The following SUGP1 variants were observed in gnomAD, a reference collection of about 807,000 sequenced individuals.
The protein encoded by SUGP1 is SURP and G-patch domain containing 1, also known as SURP and G-patch domain-containing protein 1.
A neutral mutation model predicts 76.5 loss-of-function variants in SUGP1; 34 were observed. The observed-to-expected ratio is 0.44, with a 90% CI of 0.34 to 0.59. The LOEUF (loss-of-function observed/expected upper bound fraction) is 0.59, where lower values mean the gene tolerates loss of function less well. Among genes scored for constraint, SUGP1 ranks in the 20% least tolerant of loss-of-function variants. The pLI, the probability that SUGP1 is intolerant of heterozygous loss-of-function variation, is 0.01. For missense variants in SUGP1, 752 were observed against 851.7 expected (o/e 0.88, Z 1.46); for synonymous variants, 326 against 326.2 (o/e 1.00, Z 0.01).
Position 19,306,049 on chromosome 19 carries a change from G to T in SUGP1, c.338C>A (p.Pro113His), listed in dbSNP as rs150385928. The T allele has an allele frequency of 1.9e-6, 3 of 1,607,686 alleles. No homozygotes were observed. The highest frequency in any genetic ancestry group is 1.3e-5 in the African/African-American group (1 of 74,952). ...AGCGCTGGGGGTGGGTGTGCTGGGA[G>T]GGGCGCTGGGCGCACTGGTCGGGGC... ...TDAPTSAPSA[P>H]PSTPTPSAGK... The change falls in exon 4 of 14, where the codon CCT becomes CAT. Residue 113 changes from proline to histidine, a missense_variant. This residue lies in a region of SUGP1 where 620 missense variants were observed against 617.3 expected (regional missense o/e 1.00). Transcript: ENST00000247001.
chr19:19,280,105 T>G (rs2061086134), intron 9 of SUGP1, 80 bp downstream of exon 9: 8 of 1,364,850 alleles, frequency 5.9e-6, no homozygotes, highest in Non-Finnish European at 8.2e-6. Flanking sequence ...TGAACCCCTG[T>G]GACCGCTGCA....
Position 19,306,016 on chromosome 19 carries a change from C to G in SUGP1, c.371G>C (p.Arg124Thr). 6.2e-7 allele frequency: 1 copy of G among 1,611,786 alleles called. No individual in the cohort carries two copies. Among genetic ancestry groups the G allele is most frequent in the South Asian group, 1.1e-5 (1 of 90,996 alleles). ...TGTCCGCCTGCTGATGAGCAGGGACCTCTTCCCAGCGCTGGGGGTGGGTGT... is the reference window on the plus strand; with the variant it reads ...TGTCCGCCTGCTGATGAGCAGGGACGTCTTCCCAGCGCTGGGGGTGGGTGT... ...PSTPTPSAGK[R>T]SLLISRRTGL... Residue 124 changes from arginine to threonine, a missense_variant, in exon 4 of 14, where the codon AGG (arginine) becomes ACG (threonine). Around this residue, in one of 2 missense-constraint regions of SUGP1, gnomAD observed 620 missense variants for 617.3 expected, o/e 1.00. Transcript: ENST00000247001.
intron 2 of SUGP1, 133 bp from the exon 3 acceptor site, chr19:19,310,333 T>C: frequency 1.5e-6 from 1 of 683,494 alleles, no homozygotes; most frequent in Non-Finnish European, 2.6e-6. Flanking sequence ...TCTCACCTAC[T>C]GGGACCCCAA....
chr19:19,309,573 A>C (rs1264644144), intron 3 of SUGP1, among the ~76,000 whole-genome samples: 1 of 152,082 alleles, frequency 6.6e-6, no homozygotes, highest in East Asian at 1.9e-4. Context: ...AGGTCAGGAG[A>C]TCAAGATCAT....
intron 8 of SUGP1, among the ~76,000 whole-genome samples, chr19:19,294,521 A>AAG (rs1555788936): frequency 6.6e-6 from 1 of 151,838 alleles, no homozygotes; most frequent in African/African-American, 2.4e-5. Context: ...AAAAAAAAAA[A>AAG]AAAAAACCCA....
intron 8 of SUGP1, among the ~76,000 whole-genome samples, chr19:19,282,307 T>G (rs2061104914): frequency 2.1e-5 from 3 of 142,974 alleles, no homozygotes; most frequent in Admixed American, 7.0e-5. Context: ...CAAGAAAGAA[T>G]CCAAGTACTG....
chr19:19,290,770 C>T (rs2061175437), intron 8 of SUGP1, among the ~76,000 whole-genome samples: 1 of 152,136 alleles, frequency 6.6e-6, no homozygotes, highest in African/African-American at 2.4e-5. Context: ...AGATTACTGA[C>T]AAAGCTAATC....
rs369004373 is a variant in SUGP1, at chr19:19,279,394, C to T, written c.1351-4G>A. The T allele has an allele frequency of 1.3e-6, 2 of 1,595,934 alleles. No homozygotes were observed. Among genetic ancestry groups the T allele is most frequent in the South Asian group, 2.2e-5 (2 of 89,704 alleles). ...TCATGTCGTACATCTGCTGCATCTG[C>T]AGGGCACACTCGCCAGTGAGCCAGG... On this transcript the variant is annotated splice_polypyrimidine_tract_variant and splice_region_variant and intron_variant, in intron 9 of 13. Transcript: ENST00000247001.
chr19:19,311,225 T>G (rs1026570787), intron 2 of SUGP1, among the ~76,000 whole-genome samples: 4 of 152,056 alleles, frequency 2.6e-5, no homozygotes, highest in African/African-American at 9.7e-5. Flanking sequence ...GAAGGGCAGC[T>G]CTGACAACAG....
At chr19:19,277,943 C>T in intron 11 of SUGP1, 64 bp from the exon 12 acceptor site, 1 of 1,591,834 alleles carries the variant, frequency 6.3e-7, no homozygotes, top group Non-Finnish European at 8.6e-7. Flanking sequence ...CCAAATCCAA[C>T]CTTCTGCCTT....
intron 8 of SUGP1, among the ~76,000 whole-genome samples, chr19:19,285,492 T>C (rs191762185): frequency 3.9e-4 from 59 of 151,350 alleles, no homozygotes; most frequent in African/African-American, 1.3e-3. Context: ...AATGCAGACA[T>C]AAGTGCCCTA....
At chr19:19,285,131 T>C (rs1267028044) in intron 8 of SUGP1, among the ~76,000 whole-genome samples, 1 of 151,930 alleles carries the variant, frequency 6.6e-6, no homozygotes, top group African/African-American at 2.4e-5. Flanking sequence ...CCTCCCAAAG[T>C]GCTGGGATTA....
chr19:19,316,216 T>C (rs1007471205), intron 2 of SUGP1: 16 of 615,802 alleles, frequency 2.6e-5, no homozygotes, highest in Non-Finnish European at 3.3e-5. Context: ...AGTGGATGAG[T>C]TGGCAGGCTG....
chr19:19,305,711 G>A, intron 4 of SUGP1, 138 bp downstream of exon 4: 2 of 810,614 alleles, frequency 2.5e-6, no homozygotes, highest in East Asian at 5.5e-5. Context: ...AGGGCCTGAG[G>A]CTCAGCTCAG....
intron 7 of SUGP1, among the ~76,000 whole-genome samples, chr19:19,297,881 T>G (rs990325211): frequency 6.6e-6 from 1 of 152,202 alleles, no homozygotes; most frequent in African/African-American, 2.4e-5. Context: ...AGCACAGGTC[T>G]TCTCTGTCCC....
At chr19:19,279,070 G>A in intron 10 of SUGP1, 143 bp downstream of exon 10, 1 of 967,614 alleles carries the variant, frequency 1.0e-6, no homozygotes, top group Non-Finnish European at 1.5e-6. Context: ...TCTCACTCCA[G>A]GCCTCACAGC....
chr19:19,282,043 G>A (rs570537027), intron 8 of SUGP1, among the ~76,000 whole-genome samples: 17 of 152,224 alleles, frequency 1.1e-4, no homozygotes, highest in South Asian at 4.2e-4. Flanking sequence ...GCAGTGGTGC[G>A]ATCTTGGCTC....
chr19:19,303,906 ACTCT>A (rs773232440), intron 4 of SUGP1, 59 bp from the exon 5 acceptor site: 19 of 1,609,804 alleles, frequency 1.2e-5, no homozygotes, highest in Non-Finnish European at 1.4e-5. Flanking sequence ...CAATAGGCAC[ACTCT>A]CTCTATGGAC....
intron 7 of SUGP1, among the ~76,000 whole-genome samples, chr19:19,298,355 G>A (rs1479281541): frequency 6.6e-6 from 1 of 152,146 alleles, no homozygotes; most frequent in Non-Finnish European, 1.5e-5. Flanking sequence ...AAAATTAGCT[G>A]GGCGTGGTGG....
Sources: gnomAD v4.1 joint callset for allele counts (sites outside exome capture counted in the v4.1 genomes callset) on GRCh38, gnomAD v4.1.1 for gene constraint, gnomAD v4.1.1 regional missense constraint, MANE v1.5 for transcripts, NCBI Gene and HGNC (gene_info 2026-07-23, HGNC 2026-07-21) for gene names.